CRX: variants seen among roughly 807,000 people sequenced by gnomAD.
CRX encodes the protein cone-rod homeobox.
Under a neutral mutation model 13.1 loss-of-function variants are expected in CRX, and 5 were observed. That is an observed-to-expected ratio of 0.38 (90% CI 0.20 to 0.80). The LOEUF (loss-of-function observed/expected upper bound fraction) is 0.80, where lower values mean the gene tolerates loss of function less well. Among genes scored for constraint, CRX ranks in the 30% least tolerant of loss-of-function variants. CRX has a pLI of 0.43. For missense variants in CRX, 351 were observed against 391.8 expected (o/e 0.90, Z 0.88); for synonymous variants, 179 against 171.1 (o/e 1.05, Z -0.36).
At chr19:47,822,919 G>T (rs1798894234) in intron 1 of CRX, among the ~76,000 whole-genome samples, 1 of 152,066 alleles carries the variant, frequency 6.6e-6, no homozygotes. Context: ...TCAGCCTCTT[G>T]AGTAGCTGGA....
chr19:47,833,029 CTTTTTTT>C (rs35088115), intron 1 of CRX, among the ~76,000 whole-genome samples: 1 of 88,276 alleles, frequency 1.1e-5, no homozygotes, highest in Non-Finnish European at 2.2e-5. Context: ...TCCACACTCG[CTTTTTTT>C]TTTTTTTTTT....
chr19:47,842,465 C>G lies in CRX; in HGVS notation c.*2498C>G, dbSNP rs1446948004. The stretch of plus-strand genomic sequence containing the variant: ...GGCATGGTGGCACGCGCCTGTAATC[C>G]CAGCTACTCGGGAGGCTGAGGCAGG... On this transcript the variant is annotated 3_prime_UTR_variant, in exon 4 of 4. Coordinates refer to ENST00000221996, the MANE Select transcript of CRX (RefSeq NM_000554.6). 1 of 152,282 alleles carries G rather than the reference C, an allele frequency of 6.6e-6. No homozygotes were observed. The highest frequency in any genetic ancestry group is 2.4e-5 in the African/African-American group (1 of 41,434). The allele number at this position is 152,282 out of a possible 1,614,324, so 9.4% of individuals were successfully genotyped here.
At chr19:47,834,659 C>A (rs1968095064) in intron 2 of CRX, 116 bp downstream of exon 2, 3 of 759,126 alleles carry the variant, frequency 4.0e-6, no homozygotes, top group East Asian at 2.7e-5. Context: ...GGGCCATACA[C>A]CAGCCCTCTG....
intron 1 of CRX, among the ~76,000 whole-genome samples, chr19:47,830,525 AC>A (rs1220434440): frequency 3.3e-5 from 5 of 152,116 alleles, no homozygotes; most frequent in African/African-American, 1.2e-4. Context: ...ACATGGTGAA[AC>A]CCCGACTCTA....
intron 1 of CRX, among the ~76,000 whole-genome samples, chr19:47,829,341 CT>C (rs926470238): frequency 8.0e-5 from 12 of 150,602 alleles, no homozygotes; most frequent in African/African-American, 2.9e-4. Context: ...TATTATGACT[CT>C]TTTTTTGAGA....
At position 47,836,252 on chromosome 19, in the gene CRX, G is replaced by A; in HGVS notation, c.110G>A (p.Arg37Lys). 1 of 1,614,174 alleles carries A rather than the reference G, an allele frequency of 6.2e-7. No homozygotes were observed. The highest frequency in any genetic ancestry group is 8.5e-7 in the Non-Finnish European group (1 of 1,180,036). The change falls in exon 3 of 4, where the codon AGG becomes AAG. Residue 37 changes from arginine to lysine, a missense_variant. Around this residue, in one of 3 missense-constraint regions of CRX, gnomAD observed 95 missense variants for 106.7 expected, o/e 0.89. Coordinates refer to ENST00000221996, the MANE Select transcript of CRX (RefSeq NM_000554.6). Reference sequence around the variant, plus strand: ...TCCCATCCCACCCCAGGCGCCCCCAGGAAGCAGCGGCGGGAGCGCACCACC... The same window carrying A: ...TCCCATCCCACCCCAGGCGCCCCCAAGAAGCAGCGGCGGGAGCGCACCACC... ...HQAVPYPSAP[R>K]KQRRERTTFT...
In CRX at chr19:47,840,145, T is replaced by A; in HGVS notation, c.*178T>A. Reference sequence around the variant, plus strand: ...ACCCCTTTCCTCCACAGGGAGAGGCTCCTCCCTCTCCTGGGACAGCTCACA... The same window carrying A: ...ACCCCTTTCCTCCACAGGGAGAGGCACCTCCCTCTCCTGGGACAGCTCACA... On this transcript the variant is annotated 3_prime_UTR_variant, in exon 4 of 4. Transcript: ENST00000221996. 3.0e-6 allele frequency: 2 copies of A among 665,404 alleles called. No individual in the cohort carries two copies. Among genetic ancestry groups the A allele is most frequent in the South Asian group, 3.6e-5 (2 of 55,142 alleles). 41.2% of individuals were successfully genotyped at this position (665,404 alleles called of 1,614,324 possible).
At chr19:47,829,080 A>C (rs1187533742) in intron 1 of CRX, among the ~76,000 whole-genome samples, 1 of 152,070 alleles carries the variant, frequency 6.6e-6, no homozygotes, top group Admixed American at 6.6e-5. Context: ...CACATGAGTA[A>C]AATCAATGCC....
Position 47,839,459 on chromosome 19 carries a change from T to C in CRX, c.392T>C (p.Val131Ala). 1 of 1,613,958 alleles carries C rather than the reference T, an allele frequency of 6.2e-7. No homozygotes were observed. The highest frequency in any genetic ancestry group is 2.2e-5 in the East Asian group (1 of 44,880). ...ACGTCCCCAAGACCCTCCACAGATGTGTGTCCAGACCCTCTGGGCATCTCA... is the reference window on the plus strand; with the variant it reads ...ACGTCCCCAAGACCCTCCACAGATGCGTGTCCAGACCCTCTGGGCATCTCA... ...AGTSPRPSTD[V>A]CPDPLGISDS... The change falls in exon 4 of 4, where the codon GTG (valine) becomes GCG (alanine). Residue 131 changes from valine to alanine, a missense_variant. Physicochemically the swap from Val to Ala is moderately conservative, Grantham distance 64. Transcript: ENST00000221996. The surrounding 1 kb of genome is among the most constrained non-coding windows in gnomAD (Gnocchi z 4.6).
intron 1 of CRX, among the ~76,000 whole-genome samples, chr19:47,828,342 G>A (rs1968001779): frequency 6.6e-6 from 1 of 152,036 alleles, no homozygotes; most frequent in Admixed American, 6.6e-5. Flanking sequence ...AAAATAAACA[G>A]AATCTGTCCC....
chr19:47,828,937 C>T (rs1383720367), intron 1 of CRX, among the ~76,000 whole-genome samples: 1 of 118,410 alleles, frequency 8.4e-6, no homozygotes, highest in Non-Finnish European at 1.9e-5. Flanking sequence ...CACACACACA[C>T]ACACAATTAA....
chr19:47,834,985 G>T (rs11671241), intron 2 of CRX, among the ~76,000 whole-genome samples: 47,804 of 149,338 alleles, frequency 0.32, 8,214 homozygotes, highest in Non-Finnish European at 0.39. Context: ...AGGCCCGGGG[G>T]GCACTTTTTT....
chr19:47,824,542 A>T (rs759298283), intron 1 of CRX, among the ~76,000 whole-genome samples: 3 of 152,144 alleles, frequency 2.0e-5, no homozygotes, highest in Non-Finnish European at 4.4e-5. Context: ...CCCAAGGTCC[A>T]TGGTGCATGC....
intron 2 of CRX, 67 bp downstream of exon 2, chr19:47,834,610 T>A: frequency 1.5e-6 from 2 of 1,331,112 alleles, no homozygotes; most frequent in Non-Finnish European, 2.1e-6. Flanking sequence ...CTGGGGTCCC[T>A]TTGCCCCCAG....
rs577203994 is a variant in CRX at position 47,831,124 on chromosome 19, T to C, written c.-35-3285T>C. On this transcript the variant is annotated intron_variant, in intron 1 of 3. Coordinates refer to ENST00000221996, the MANE Select transcript of CRX (RefSeq NM_000554.6). ...GAGTTCGAGACCAGCCTGGCCAACA[T>C]GGTGAAACCCCGTCTCTACTAAAAA... 9.9e-5 allele frequency among the ~76,000 whole-genome samples: 15 copies of C among 151,840 alleles called. No individual in the cohort carries two copies. The South Asian group carries it at 3.1e-3, about 32-fold the overall frequency.
chr19:47,826,699 G>C (rs1967978569), intron 1 of CRX, among the ~76,000 whole-genome samples: 1 of 152,214 alleles, frequency 6.6e-6, no homozygotes, highest in Admixed American at 6.5e-5. Context: ...CCTGTATAGA[G>C]AAGGCTTGTG....
At position 47,841,300 on chromosome 19, in the gene CRX, A is replaced by G. The variant is rs894526301; in HGVS notation, c.*1333A>G. 3 of 152,150 alleles carry G rather than the reference A, an allele frequency of 2.0e-5. No individual in the cohort carries two copies. The highest frequency in any genetic ancestry group is 7.2e-5 in the African/African-American group (3 of 41,430). 9.4% of individuals were successfully genotyped at this position (152,150 alleles called of 1,614,324 possible). ...TTATCACTCATTCGCTCATTAGCAC[A>G]TTGGGAATGTGTGTATTTGGTAGGG... On this transcript the variant is annotated 3_prime_UTR_variant, in exon 4 of 4. Transcript: ENST00000221996.
rs1044039022 is a variant in CRX at position 47,833,321 on chromosome 19, G to A, written c.-35-1088G>A. On this transcript the variant is annotated intron_variant, in intron 1 of 3. Coordinates refer to ENST00000221996, the MANE Select transcript of CRX (RefSeq NM_000554.6). ...TTTTGAGACAGAGTCTCGCTCTGTC[G>A]CCCAGGCTGGAGTGCGGTGGTGCGA... Among the ~76,000 whole-genome samples the A allele has an allele frequency of 4.6e-5, 7 of 150,868 alleles. No homozygotes were observed. The East Asian group carries it at 7.8e-4, about 17-fold the overall frequency.
rs1367279087 is a variant in CRX, at chr19:47,839,379, G to C, written c.312G>C (p.Gln104His). The C allele has an allele frequency of 1.2e-6, 2 of 1,613,604 alleles. No individual in the cohort carries two copies. The highest frequency in any genetic ancestry group is 1.7e-6 in the Non-Finnish European group (2 of 1,179,792). ...AGCAGCGACAGCAGCAGAAACAGCA[G>C]CAGCAGCCCCCAGGGGGCCAGGCCA... The part of the protein sequence containing the change: ...CRQQRQQQKQ[Q>H]QQPPGGQAKA... The change falls in exon 4 of 4, where the codon CAG becomes CAC. Residue 104 changes from glutamine to histidine, a missense_variant. Physicochemically the swap from Gln to His is conservative, Grantham distance 24. Transcript: ENST00000221996. The surrounding 1 kb of genome is among the most constrained non-coding windows in gnomAD (Gnocchi z 4.6).
Sources: allele counts gnomAD v4.1 joint callset (sites outside exome capture counted in the v4.1 genomes callset), GRCh38; gene constraint gnomAD v4.1.1; regional missense constraint gnomAD v4.1.1; non-coding constraint Gnocchi (gnomAD v3.1); transcripts MANE v1.5; gene names NCBI Gene and HGNC (gene_info 2026-07-23, HGNC 2026-07-21).